CNTN4: variants seen among roughly 807,000 people sequenced by gnomAD.
The protein encoded by CNTN4 is contactin-4.
CNTN4 carries 77 observed loss-of-function variants against 122.5 expected under a neutral mutation model. That is an observed-to-expected ratio of 0.63 (90% confidence interval 0.52 to 0.76). The LOEUF is 0.76. CNTN4 is among the 30% of genes least tolerant of loss of function. The probability of loss-of-function intolerance (pLI) is 0.00; values close to 1 mark genes in which losing one functional copy is unlikely to be tolerated. For synonymous variants in CNTN4, 512 were observed against 447.0 expected (o/e 1.15, Z -1.83); for missense variants, 1,256 against 1,259.1 (o/e 1.00, Z 0.04).
At chr3:2,803,986 C>G (rs1401010603) in intron 6 of CNTN4, among the ~76,000 whole-genome samples, 2 of 151,508 alleles carry the variant, frequency 1.3e-5, no homozygotes, top group Non-Finnish European at 1.5e-5. Flanking sequence ...ATGCATAGTA[C>G]AATTCCATTT....
intron 6 of CNTN4, among the ~76,000 whole-genome samples, chr3:2,797,424 C>G (rs968765096): frequency 5.5e-4 from 84 of 152,226 alleles, no homozygotes; most frequent in African/African-American, 2.0e-3. Context: ...ATGATGAAAC[C>G]CTGTCTCTAC....
At chr3:2,174,395 A>G (rs1013077) in intron 2 of CNTN4, among the ~76,000 whole-genome samples, 10,079 of 152,218 alleles carry the variant, frequency 0.066, 382 homozygotes, top group Middle Eastern at 0.14. Context: ...ATTTCTCAAA[A>G]TTCTGGAGAC....
At chr3:2,777,930 A>T (rs1157234164) in intron 6 of CNTN4, among the ~76,000 whole-genome samples, 1 of 152,096 alleles carries the variant, frequency 6.6e-6, no homozygotes, top group Non-Finnish European at 1.5e-5. Context: ...TTTAAGAAAT[A>T]ACTGCTGGGT....
intron 14 of CNTN4, among the ~76,000 whole-genome samples, chr3:3,004,688 A>G (rs1258633075): frequency 6.6e-6 from 1 of 152,200 alleles, no homozygotes; most frequent in East Asian, 1.9e-4. Flanking sequence ...TTTTAACCTT[A>G]ATCAGCACAC....
chr3:2,659,416 C>A (rs1488306735), intron 4 of CNTN4, among the ~76,000 whole-genome samples: 2 of 131,592 alleles, frequency 1.5e-5, no homozygotes, highest in Non-Finnish European at 3.1e-5. Flanking sequence ...GAGCCGAGAT[C>A]ACATCACTGC....
chr3:2,715,998 C>G (rs2149365312), intron 4 of CNTN4, among the ~76,000 whole-genome samples: 1 of 152,168 alleles, frequency 6.6e-6, no homozygotes, highest in East Asian at 1.9e-4. Context: ...GGGTCTCACT[C>G]TGTCACCCAG....
Position 3,037,277 on chromosome 3 carries a change from G to A in CNTN4, c.2041G>A (p.Gly681Arg). The change falls in exon 18 of 25, where the codon GGG becomes AGG. Residue 681 changes from glycine to arginine, a missense_variant. Transcript: ENST00000418658. ...CCGCACAGTTGCAGCCAACGTGATT[G>A]GGATTGGGGAGCCCAGCCGCCCCTC... ...EFRTVAANVIGIGEPSRPSEK... is the reference protein window; with the variant it reads ...EFRTVAANVIRIGEPSRPSEK... The A allele has an allele frequency of 6.2e-7, 1 of 1,614,164 alleles. No individual in the cohort carries two copies. Among genetic ancestry groups the A allele is most frequent in the Non-Finnish European group, 8.5e-7 (1 of 1,180,032 alleles).
chr3:2,812,131 AG>A (rs1679486128), intron 6 of CNTN4, among the ~76,000 whole-genome samples: 1 of 152,138 alleles, frequency 6.6e-6, no homozygotes, highest in Admixed American at 6.5e-5. Flanking sequence ...TAGAGAGTGG[AG>A]GGCGGGAGGA....
chr3:2,408,855 G>T (rs906278132), intron 3 of CNTN4, among the ~76,000 whole-genome samples: 1 of 152,140 alleles, frequency 6.6e-6, no homozygotes, highest in Non-Finnish European at 1.5e-5. Flanking sequence ...TTGTACAGAT[G>T]ATGAAACTGA....
At chr3:2,397,868 C>G (rs1382787615) in intron 3 of CNTN4, among the ~76,000 whole-genome samples, 1 of 152,064 alleles carries the variant, frequency 6.6e-6, no homozygotes, top group Non-Finnish European at 1.5e-5. Context: ...TACAGCAACC[C>G]CAGTGCTCTT....
rs148366936 is a variant in CNTN4, at chr3:2,521,790, C to T, written c.-88-49626C>T. Among the ~76,000 whole-genome samples, 507 of 152,166 alleles carry T rather than the reference C, an allele frequency of 3.3e-3. 2 individuals carry two copies. The highest frequency in any genetic ancestry group is 0.012 in the African/African-American group (485 of 41,518). The stretch of plus-strand genomic sequence containing the variant: ...GAAGCTTACCTAAGTTTTGAAGTAG[C>T]CAGCTAGAAGGAGTTACAGAGTAGA... On this transcript the variant is annotated intron_variant, in intron 3 of 24. Coordinates refer to ENST00000418658, the MANE Select transcript of CNTN4 (RefSeq NM_175607.3).
chr3:2,445,194 T>G (rs1001868808), intron 3 of CNTN4, among the ~76,000 whole-genome samples: 2 of 152,112 alleles, frequency 1.3e-5, no homozygotes, highest in Non-Finnish European at 2.9e-5. Flanking sequence ...AATGATGGGA[T>G]GGGATAGAAA....
At chr3:2,892,652 G>C (rs2094056433) in intron 10 of CNTN4, among the ~76,000 whole-genome samples, 1 of 152,228 alleles carries the variant, frequency 6.6e-6, no homozygotes, top group South Asian at 2.1e-4. Flanking sequence ...TTAGTAGAAT[G>C]AAGTGTGAAC....
chr3:2,345,401 G>A (rs1326208982), intron 3 of CNTN4, among the ~76,000 whole-genome samples: 1 of 152,128 alleles, frequency 6.6e-6, no homozygotes, highest in Non-Finnish European at 1.5e-5. Context: ...ATGTTAAGCA[G>A]AAATTTTTAA....
chr3:2,565,932 A>G (rs573336628), intron 3 of CNTN4, among the ~76,000 whole-genome samples: 16 of 152,228 alleles, frequency 1.1e-4, no homozygotes, highest in Non-Finnish European at 2.2e-4. Context: ...TCTAAATAAT[A>G]ACTAGCAAGA....
At chr3:2,871,608 A>C (rs1293590600) in intron 8 of CNTN4, among the ~76,000 whole-genome samples, 1 of 152,090 alleles carries the variant, frequency 6.6e-6, no homozygotes, top group African/African-American at 2.4e-5. Context: ...AGATCATGCA[A>C]TTTTATATCT....
At chr3:2,657,618 G>A (rs570521899) in intron 4 of CNTN4, among the ~76,000 whole-genome samples, 5 of 152,132 alleles carry the variant, frequency 3.3e-5, no homozygotes, top group Admixed American at 6.5e-5. Context: ...GTAAACCTAC[G>A]TATTTAGCTA....
chr3:2,413,196 A>T (rs983996356), intron 3 of CNTN4, among the ~76,000 whole-genome samples: 1 of 152,162 alleles, frequency 6.6e-6, no homozygotes, highest in Non-Finnish European at 1.5e-5. Context: ...TTGTATCTCT[A>T]CTTTAGTGGA....
At chr3:2,229,340 G>A (rs1182406751) in intron 2 of CNTN4, among the ~76,000 whole-genome samples, 2 of 152,126 alleles carry the variant, frequency 1.3e-5, no homozygotes, top group African/African-American at 4.8e-5. Context: ...TTTAAGAGTG[G>A]TAGCAGAGGG....
Sources: gnomAD v4.1 joint callset for allele counts (sites outside exome capture counted in the v4.1 genomes callset) on GRCh38, gnomAD v4.1.1 for gene constraint, MANE v1.5 for transcripts, NCBI Gene and HGNC (gene_info 2026-07-23, HGNC 2026-07-21) for gene names.